Variants in CORIN observed in about 807,000 individuals in gnomAD.
CORIN encodes corin, serine peptidase.
CORIN carries 117 observed loss-of-function variants against 125.3 expected under a neutral mutation model. That is an observed-to-expected ratio of 0.93 (90% CI 0.80 to 1.09). CORIN has a LOEUF of 1.09. Ranked by LOEUF, CORIN falls within the 50% of genes least tolerant of loss-of-function variation. The pLI is 0.00. For synonymous variants in CORIN, 450 were observed against 466.4 expected (o/e 0.96, Z 0.45); for missense variants, 1,253 against 1,306.7 (o/e 0.96, Z 0.63).
chr4:47,725,830 T>C (rs35119545), intron 5 of CORIN, among the ~76,000 whole-genome samples: 14,897 of 151,850 alleles, frequency 0.098, 854 homozygotes, highest in East Asian at 0.27. Context: ...GGGAAAATAT[T>C]CCCAAATCAT....
intron 3 of CORIN, among the ~76,000 whole-genome samples, chr4:47,785,638 G>A (rs1157316690): frequency 6.6e-6 from 1 of 152,202 alleles, no homozygotes; most frequent in African/African-American, 2.4e-5. Flanking sequence ...AGGGGGCTGG[G>A]TGCAGTGGCT....
chr4:47,780,001 A>G (rs1393592504), intron 3 of CORIN, among the ~76,000 whole-genome samples: 1 of 152,180 alleles, frequency 6.6e-6, no homozygotes, highest in South Asian at 2.1e-4. Context: ...ACTGAGGGGG[A>G]AAAAGCTAGA....
rs200322797 is a variant in CORIN, at chr4:47,626,487, C to T, written c.2233G>A (p.Glu745Lys). The T allele has an allele frequency of 5.1e-5, 82 of 1,613,946 alleles. No homozygotes were observed. Among genetic ancestry groups the T allele is most frequent in the Non-Finnish European group, 7.0e-5 (82 of 1,179,854 alleles). ...AATGTCAGCCACCGCGGCTCTTTCT[C>T]CTGTTCCTGTATCAATTTGGTCACA... Reference protein sequence around the residue: ...PSVTKLIQEQEKEPRWLTLHS... With the variant: ...PSVTKLIQEQKKEPRWLTLHS... Residue 745 changes from glutamate to lysine, a missense_variant, in exon 17 of 22, where the codon GAG becomes AAG. By Grantham distance (56) the Glu-to-Lys change is moderately conservative. Transcript: ENST00000273857.
intron 13 of CORIN, among the ~76,000 whole-genome samples, chr4:47,647,999 C>T (rs1053677745): frequency 6.6e-6 from 1 of 152,156 alleles, no homozygotes; most frequent in African/African-American, 2.4e-5. Flanking sequence ...TCTCTTTTCT[C>T]ATAAAAGTTT....
At chr4:47,790,286 T>A (rs763967462) in intron 2 of CORIN, 1 of 680,976 alleles carries the variant, frequency 1.5e-6, no homozygotes, top group Non-Finnish European at 1.8e-6. Flanking sequence ...AACCCCCGAC[T>A]GGCCTGCGCA....
intron 2 of CORIN, among the ~76,000 whole-genome samples, chr4:47,789,075 G>T (rs1730945399): frequency 1.3e-5 from 2 of 152,272 alleles, no homozygotes; most frequent in East Asian, 3.9e-4. Context: ...GGCCGAGGCA[G>T]GTGGATCACC....
chr4:47,711,958 T>C (rs2109778892), intron 5 of CORIN, among the ~76,000 whole-genome samples: 1 of 152,340 alleles, frequency 6.6e-6, no homozygotes, highest in Admixed American at 6.5e-5. Flanking sequence ...CCTACAACAT[T>C]GCTACTACGA....
At chr4:47,693,650 A>G (rs1725865258) in intron 5 of CORIN, among the ~76,000 whole-genome samples, 1 of 152,204 alleles carries the variant, frequency 6.6e-6, no homozygotes, top group South Asian at 2.1e-4. Flanking sequence ...GTCAGCGTCT[A>G]TTTTGGCATA....
chr4:47,684,135 A>G (rs1274130916), intron 6 of CORIN, among the ~76,000 whole-genome samples: 2 of 152,210 alleles, frequency 1.3e-5, no homozygotes, highest in African/African-American at 4.8e-5. Flanking sequence ...TTCTCAGTTC[A>G]CCATCATTCC....
chr4:47,661,533 C>A, intron 12 of CORIN, 178 bp downstream of exon 12: 1 of 546,136 alleles, frequency 1.8e-6, no homozygotes, highest in African/African-American at 1.9e-5. Context: ...CAATATCTAA[C>A]AGATGAGTGC....
At chr4:47,708,738 A>G (rs186726371) in intron 5 of CORIN, among the ~76,000 whole-genome samples, 2 of 152,260 alleles carry the variant, frequency 1.3e-5, no homozygotes, top group East Asian at 3.9e-4. Flanking sequence ...GAAATGCTGC[A>G]GCCTGGAATC....
chr4:47,599,984 C>T (rs969463220), intron 21 of CORIN, among the ~76,000 whole-genome samples: 4 of 152,066 alleles, frequency 2.6e-5, no homozygotes, highest in Non-Finnish European at 5.9e-5. Context: ...GTGATGTTCC[C>T]CATATAGTAG....
chr4:47,680,182 C>T lies in CORIN; in HGVS notation c.1091G>A (p.Gly364Asp), dbSNP rs1227232210. ...RCIAMEWVCD[G>D]DHDCVDKSDE... ...AGACTTATCCACACAGTCGTGGTCA[C>T]CATCACACACCCACTCCATGGCGAT... Residue 364 changes from glycine (G) to aspartate (D), a missense_variant, in exon 8 of 22, where the codon GGT becomes GAT. Coordinates refer to ENST00000273857, the MANE Select transcript of CORIN (RefSeq NM_006587.4). The T allele has an allele frequency of 2.7e-5, 43 of 1,613,986 alleles. No homozygotes were observed. The highest frequency in any genetic ancestry group is 3.3e-5 in the Admixed American group (2 of 60,026).
chr4:47,753,078 TA>T, intron 4 of CORIN, among the ~76,000 whole-genome samples: 1 of 152,110 alleles, frequency 6.6e-6, no homozygotes, highest in Non-Finnish European at 1.5e-5. Flanking sequence ...GTCTAAGAAA[TA>T]AAGAGAGTAC....
chr4:47,640,806 C>A (rs917362247), intron 16 of CORIN, among the ~76,000 whole-genome samples: 1 of 152,094 alleles, frequency 6.6e-6, no homozygotes, highest in Non-Finnish European at 1.5e-5. Flanking sequence ...GCAGTTTCAA[C>A]CTTATACCAA....
chr4:47,696,988 G>C (rs1726041225), intron 5 of CORIN, among the ~76,000 whole-genome samples: 1 of 152,176 alleles, frequency 6.6e-6, no homozygotes, highest in Non-Finnish European at 1.5e-5. Context: ...CAAAAGCTCA[G>C]TTTCAACTCC....
Position 47,674,461 on chromosome 4 carries a change from T to C in CORIN, c.1289A>G (p.Tyr430Cys). The change falls in exon 10 of 22, where the codon TAC becomes TGC. Residue 430 changes from tyrosine (Y) to cysteine (C), a missense_variant. By Grantham distance (194) the Tyr-to-Cys change is radical. Transcript: ENST00000273857. ...SCQEGDQRCL[Y>C]NPCLDSCGGS... ...ACCACATGAATCAAGGCAGGGATTG[T>C]AGAGGCATCTTTGGTCTCCTTCTTG... 2 of 1,614,046 alleles carry C rather than the reference T, an allele frequency of 1.2e-6. No individual in the cohort carries two copies. Among genetic ancestry groups the C allele is most frequent in the South Asian group, 1.1e-5 (1 of 91,090 alleles).
intron 5 of CORIN, among the ~76,000 whole-genome samples, chr4:47,740,963 A>G (rs1728365855): frequency 6.6e-6 from 1 of 152,000 alleles, no homozygotes; most frequent in Non-Finnish European, 1.5e-5. Flanking sequence ...AAAATGGATC[A>G]ATGACTTAAA....
At chr4:47,830,732 G>T (rs866224274) in intron 1 of CORIN, among the ~76,000 whole-genome samples, 20 of 152,130 alleles carry the variant, frequency 1.3e-4, no homozygotes, top group Non-Finnish European at 5.9e-5. Flanking sequence ...AATTCAAACA[G>T]AACTATGCAT....
Sources: gnomAD v4.1 joint callset for allele counts (sites outside exome capture counted in the v4.1 genomes callset) on GRCh38, gnomAD v4.1.1 for gene constraint, MANE v1.5 for transcripts, NCBI Gene and HGNC (gene_info 2026-07-23, HGNC 2026-07-21) for gene names.